The following TYW1B variants were observed in gnomAD, a reference collection of about 807,000 sequenced individuals.
TYW1B encodes S-adenosyl-L-methionine-dependent tRNA 4-demethylwyosine synthase TYW1B.
In TYW1B, 73 loss-of-function variants were observed where a neutral mutation model predicts 86.9. The observed-to-expected ratio is 0.84, with a 90% CI of 0.70 to 1.02. The LOEUF is 1.02. Ranked by LOEUF, TYW1B falls within the 50% of genes least tolerant of loss-of-function variation. The pLI is 0.00. For missense variants in TYW1B, 637 were observed against 827.4 expected (o/e 0.77, Z 2.82); for synonymous variants, 248 against 292.8 (o/e 0.85, Z 1.56).
At chr7:72,729,884 G>T (rs116903401) in intron 8 of TYW1B, among the ~76,000 whole-genome samples, 1 of 152,030 alleles carries the variant, frequency 6.6e-6, no homozygotes, top group Admixed American at 6.6e-5. Context: ...CAGCAACACC[G>T]ACCCTAGCAA....
chr7:72,732,225 T>C (rs1406149460), intron 8 of TYW1B, among the ~76,000 whole-genome samples: 1 of 152,074 alleles, frequency 6.6e-6, no homozygotes, highest in Admixed American at 6.6e-5. Flanking sequence ...ATTGGACAGA[T>C]CACCTAGACA....
At chr7:72,612,473 T>C (rs1408965243) in intron 13 of TYW1B, among the ~76,000 whole-genome samples, 2 of 152,180 alleles carry the variant, frequency 1.3e-5, no homozygotes, top group Non-Finnish European at 2.9e-5. Flanking sequence ...GCTAAGTCAA[T>C]GGGGAAACTT....
At chr7:72,741,758 C>T (rs769808198) in intron 8 of TYW1B, among the ~76,000 whole-genome samples, 2 of 152,120 alleles carry the variant, frequency 1.3e-5, no homozygotes, top group Non-Finnish European at 2.9e-5. Context: ...GCACTCATCA[C>T]GTATAAGGGA....
At chr7:72,618,478 T>C (rs1441704102) in intron 12 of TYW1B, among the ~76,000 whole-genome samples, 1 of 152,068 alleles carries the variant, frequency 6.6e-6, no homozygotes, top group African/African-American at 2.4e-5. Context: ...CGGCCTCCCA[T>C]GTGCTGGGAT....
chr7:72,698,743 G>A (rs1283671772), intron 10 of TYW1B, among the ~76,000 whole-genome samples: 1 of 152,112 alleles, frequency 6.6e-6, no homozygotes, highest in Admixed American at 6.6e-5. Context: ...TCCTAACCCT[G>A]CACCATGATG....
chr7:72,613,209 G>C (rs151284593), intron 13 of TYW1B, among the ~76,000 whole-genome samples: 1,873 of 152,038 alleles, frequency 0.012, 36 homozygotes, highest in African/African-American at 0.043. Flanking sequence ...TTAGGGGTTG[G>C]GTAACTGTGG....
chr7:72,635,783 A>T (rs1185679184), intron 11 of TYW1B, among the ~76,000 whole-genome samples: 36 of 152,340 alleles, frequency 2.4e-4, no homozygotes, highest in African/African-American at 8.4e-4. Flanking sequence ...AAATTTTTAA[A>T]AATGTATTTT....
Position 72,735,956 on chromosome 7 carries a change from T to C in TYW1B, c.1083-7025A>G, listed in dbSNP as rs1315056482. Among the ~76,000 whole-genome samples the C allele has an allele frequency of 5.3e-5, 8 of 152,296 alleles. No homozygotes were observed. In the South Asian group the frequency reaches 1.0e-3, roughly 20 times the overall value. ...TTTGCTATACTCACAGAGTTGCACA[T>C]TGTTAGAAATGCTTGCTCCCCAGTG... is the stretch of plus-strand genomic sequence containing the variant. On this transcript the variant is annotated intron_variant, in intron 8 of 13. Coordinates refer to ENST00000620995, the MANE Select transcript of TYW1B (RefSeq NM_001145440.3).
At chr7:72,593,374 CTG>C (rs1417895942) in intron 13 of TYW1B, among the ~76,000 whole-genome samples, 3 of 152,058 alleles carry the variant, frequency 2.0e-5, no homozygotes, top group Admixed American at 2.0e-4. Flanking sequence ...ACACAGAACA[CTG>C]TACCTAACAA....
intron 6 of TYW1B, among the ~76,000 whole-genome samples, chr7:72,788,521 C>T (rs554359126): frequency 6.6e-6 from 1 of 152,102 alleles, no homozygotes; most frequent in South Asian, 2.1e-4. Context: ...TGAGTATTTC[C>T]TTTGTTTTGT....
At chr7:72,781,438 C>A (rs1554471609) in intron 6 of TYW1B, among the ~76,000 whole-genome samples, 2 of 152,128 alleles carry the variant, frequency 1.3e-5, no homozygotes, top group African/African-American at 4.8e-5. Flanking sequence ...TCATGGTAAT[C>A]CCTCTGCCTA....
At position 72,814,046 on chromosome 7, in the gene TYW1B, T is replaced by C. The variant is rs1265249711; in HGVS notation, c.237+1334A>G. ...AAAAAAAAAGATATTAACCAATGCA[T>C]TGAGGTCACACAGCTAATAAGAGAT... On this transcript the variant is annotated intron_variant, in intron 3 of 13. Coordinates refer to ENST00000620995, the MANE Select transcript of TYW1B (RefSeq NM_001145440.3). Among the ~76,000 whole-genome samples the C allele has an allele frequency of 6.6e-5, 10 of 151,488 alleles. No homozygotes were observed. The East Asian group carries it at 7.7e-4, about 12-fold the overall frequency.
intron 12 of TYW1B, among the ~76,000 whole-genome samples, chr7:72,619,246 A>G (rs1367892828): frequency 2.0e-5 from 3 of 152,140 alleles, no homozygotes; most frequent in Non-Finnish European, 4.4e-5. Context: ...CAAAAACCCT[A>G]TGTCAATTAG....
intron 5 of TYW1B, among the ~76,000 whole-genome samples, chr7:72,803,572 C>G (rs1429249678): frequency 6.6e-6 from 1 of 152,166 alleles, no homozygotes; most frequent in Non-Finnish European, 1.5e-5. Context: ...TCATCCCTTT[C>G]TCCAATGAAG....
intron 10 of TYW1B, among the ~76,000 whole-genome samples, chr7:72,704,891 T>C (rs1554453365): frequency 6.6e-6 from 1 of 151,670 alleles, no homozygotes. Context: ...CTCTGCACTT[T>C]CTCTCTCTCT....
chr7:72,677,858 T>C (rs1813770952), intron 11 of TYW1B, among the ~76,000 whole-genome samples: 1 of 152,076 alleles, frequency 6.6e-6, no homozygotes, highest in African/African-American at 2.4e-5. Flanking sequence ...CCTGCCACCA[T>C]GCCCGGCTAA....
At chr7:72,780,332 T>C (rs1293462797) in intron 6 of TYW1B, among the ~76,000 whole-genome samples, 4 of 152,184 alleles carry the variant, frequency 2.6e-5, no homozygotes, top group African/African-American at 7.2e-5. Flanking sequence ...TTGAAAGCAT[T>C]TGAATTCTCT....
chr7:72,646,808 A>C (rs1812942214), intron 11 of TYW1B, among the ~76,000 whole-genome samples: 1 of 152,262 alleles, frequency 6.6e-6, no homozygotes, highest in African/African-American at 2.4e-5. Flanking sequence ...GAACTGTAGA[A>C]TGCTGATGGT....
chr7:72,720,143 G>A (rs1192118355), intron 9 of TYW1B, among the ~76,000 whole-genome samples: 3 of 152,160 alleles, frequency 2.0e-5, no homozygotes, highest in African/African-American at 4.8e-5. Flanking sequence ...CATCAAGAGG[G>A]ATTTTCAAAT....
Sources: gnomAD v4.1 joint callset for allele counts (sites outside exome capture counted in the v4.1 genomes callset) on GRCh38, gnomAD v4.1.1 for gene constraint, MANE v1.5 for transcripts, NCBI Gene and HGNC (gene_info 2026-07-23, HGNC 2026-07-21) for gene names.